Variants in PHF24 observed in about 807,000 individuals in gnomAD.
PHF24 encodes Galpha inhibitory interacting protein.
In PHF24, 25 loss-of-function variants were observed where a neutral mutation model predicts 42.6. That is an observed-to-expected ratio of 0.59 (90% CI 0.43 to 0.82). The LOEUF (loss-of-function observed/expected upper bound fraction) is 0.82, where lower values mean the gene tolerates loss of function less well. PHF24 is among the 40% of genes least tolerant of loss of function. The pLI is 0.00. For missense variants in PHF24, 470 were observed against 538.1 expected, an observed-to-expected ratio of 0.87 and a Z score of 1.25; for synonymous variants, 185 against 204.8, an observed-to-expected ratio of 0.90 and a Z score of 0.83.
chr9:34,806,097 A>G, the PHF24 span, among the ~76,000 whole-genome samples: 6 of 152,140 alleles, frequency 3.9e-5, no homozygotes, highest in African/African-American at 1.4e-4. Context: ...CTGTGCCAGT[A>G]CCACACTGAC....
chr9:34,672,453 A>G, the PHF24 span, among the ~76,000 whole-genome samples: 1 of 152,146 alleles, frequency 6.6e-6, no homozygotes, highest in African/African-American at 2.4e-5. Flanking sequence ...CTGTTTCTTA[A>G]CAGAATACCT....
chr9:34,735,114 A>T, the PHF24 span, among the ~76,000 whole-genome samples: 161 of 150,040 alleles, frequency 1.1e-3, no homozygotes, highest in Middle Eastern at 0.01. Context: ...CTTACAATAG[A>T]TGTCCAGCTT....
At chr9:34,681,835 A>G in the PHF24 span, among the ~76,000 whole-genome samples, 1 of 152,310 alleles carries the variant, frequency 6.6e-6, no homozygotes, top group African/African-American at 2.4e-5. Context: ...AGAAAAAAAA[A>G]GGTTAAATGA....
the PHF24 span, among the ~76,000 whole-genome samples, chr9:34,713,200 G>C: frequency 6.6e-6 from 1 of 152,170 alleles, no homozygotes; most frequent in Non-Finnish European, 1.5e-5. Context: ...ACCTGACAAA[G>C]GGTTCTCTTC....
chr9:34,815,941 G>C, the PHF24 span, among the ~76,000 whole-genome samples: 788 of 152,196 alleles, frequency 5.2e-3, 11 homozygotes, highest in African/African-American at 0.018. Context: ...TGATGAACTA[G>C]AGCTGTCTGC....
the PHF24 span, among the ~76,000 whole-genome samples, chr9:34,931,375 C>A: frequency 3.8e-3 from 316 of 82,774 alleles, no homozygotes; most frequent in East Asian, 9.0e-3. Flanking sequence ...GACTCTGTAT[C>A]AAAAAAAAAA....
the PHF24 span, among the ~76,000 whole-genome samples, chr9:34,808,975 C>T: frequency 6.6e-6 from 1 of 150,778 alleles, no homozygotes; most frequent in Non-Finnish European, 1.5e-5. Flanking sequence ...CAGCATGTCA[C>T]ATGTATACAT....
the PHF24 span, among the ~76,000 whole-genome samples, chr9:34,901,882 A>T: frequency 6.6e-6 from 1 of 152,226 alleles, no homozygotes; most frequent in Non-Finnish European, 1.5e-5. Flanking sequence ...AATGGTATAA[A>T]TTTCTGATAT....
chr9:34,788,033 GT>G, the PHF24 span, among the ~76,000 whole-genome samples: 100 of 151,968 alleles, frequency 6.6e-4, no homozygotes, highest in Non-Finnish European at 1.3e-3. Flanking sequence ...AGAAGCAACT[GT>G]TTTGTTTTGT....
At chr9:34,887,854 CTGTATTCCCAG>C in the PHF24 span, among the ~76,000 whole-genome samples, 3 of 152,230 alleles carry the variant, frequency 2.0e-5, no homozygotes, top group African/African-American at 7.2e-5. Context: ...ATGTTCACTG[CTGTATTCCCAG>C]TGCCTATAAA....
At chr9:34,868,393 C>A in the PHF24 span, among the ~76,000 whole-genome samples, 1 of 152,172 alleles carries the variant, frequency 6.6e-6, no homozygotes, top group Non-Finnish European at 1.5e-5. Flanking sequence ...TTTCCTCTGT[C>A]CTGTTCTCTA....
the PHF24 span, among the ~76,000 whole-genome samples, chr9:34,887,106 G>A: frequency 6.6e-6 from 1 of 152,004 alleles, no homozygotes; most frequent in Admixed American, 6.6e-5. Flanking sequence ...AAAAACTTTG[G>A]TGCCATCCTT....
chr9:34,869,178 A>C, the PHF24 span, among the ~76,000 whole-genome samples: 1 of 152,090 alleles, frequency 6.6e-6, no homozygotes, highest in Non-Finnish European at 1.5e-5. Flanking sequence ...GGTTGATTCC[A>C]TGTCTTTGGT....
At chr9:34,693,233 A>G in the PHF24 span, among the ~76,000 whole-genome samples, 1 of 151,866 alleles carries the variant, frequency 6.6e-6, no homozygotes, top group Non-Finnish European at 1.5e-5. Flanking sequence ...TCCACTCTTC[A>G]CGGCCCTGCT....
the PHF24 span, among the ~76,000 whole-genome samples, chr9:34,751,085 C>G: frequency 6.6e-6 from 1 of 152,190 alleles, no homozygotes; most frequent in African/African-American, 2.4e-5. Context: ...CAGGAGTTGG[C>G]TGGGTGCAGT....
the PHF24 span, among the ~76,000 whole-genome samples, chr9:34,756,402 T>G: frequency 1.3e-5 from 2 of 152,098 alleles, no homozygotes; most frequent in Non-Finnish European, 2.9e-5. Context: ...CCTGGCCCGA[T>G]TTTTTTGTAT....
chr9:34,764,763 CT>C, the PHF24 span, among the ~76,000 whole-genome samples: 1 of 151,966 alleles, frequency 6.6e-6, no homozygotes, highest in Non-Finnish European at 1.5e-5. Context: ...TTTGCTCTTG[CT>C]TTTTCTAGTT....
chr9:34,855,304 G>A, the PHF24 span, among the ~76,000 whole-genome samples: 1 of 152,270 alleles, frequency 6.6e-6, no homozygotes, highest in South Asian at 2.1e-4. Context: ...GTGTGAATTT[G>A]ATCCTGTCAT....
the PHF24 span, among the ~76,000 whole-genome samples, chr9:34,877,149 C>T: frequency 4.6e-5 from 7 of 151,790 alleles, no homozygotes; most frequent in African/African-American, 1.5e-4. Context: ...GGTGTGGTGG[C>T]ACACGCCTAT....
Sources: gnomAD v4.1 joint callset for allele counts (sites outside exome capture counted in the v4.1 genomes callset) on GRCh38, gnomAD v4.1.1 for gene constraint, MANE v1.5 for transcripts, NCBI Gene and HGNC (gene_info 2026-07-23, HGNC 2026-07-21) for gene names.